The following LMTK3 variants were observed in gnomAD, a reference collection of about 807,000 sequenced individuals.
LMTK3 encodes serine/threonine-protein kinase LMTK3.
A neutral mutation model predicts 116.7 loss-of-function variants in LMTK3; 27 were observed. The observed-to-expected ratio is 0.23, with a 90% CI of 0.17 to 0.32. LMTK3 has a LOEUF of 0.32. Ranked by LOEUF, LMTK3 falls within the 10% of genes least tolerant of loss-of-function variation. The pLI is 1.00. For missense variants in LMTK3, 1,764 were observed against 2,068.5 expected, an observed-to-expected ratio of 0.85 and a Z score of 2.86; for synonymous variants, 965 against 971.0, an observed-to-expected ratio of 0.99 and a Z score of 0.11.
In LMTK3 at chr19:48,499,217, C is replaced by A; in HGVS notation, c.1852G>T (p.Gly618Trp). 2 of 1,391,638 alleles carry A rather than the reference C, an allele frequency of 1.4e-6. No homozygotes were observed. The highest frequency in any genetic ancestry group is 2.8e-5 in the Admixed American group (1 of 35,106). 86.2% of individuals were successfully genotyped at this position (1,391,638 alleles called of 1,614,324 possible). A position where few individuals can be genotyped will look rare whatever the true frequency, so the allele number is the denominator to read the frequency against. The change falls in exon 11 of 15, where the codon GGG (glycine) becomes TGG (tryptophan). Residue 618 changes from glycine to tryptophan, a missense_variant. By Grantham distance (184) the Gly-to-Trp change is radical. Transcript: ENST00000600059. ...SGWDPEGRGA[G>W]ETLAGDPAEV... Reference sequence around the variant, plus strand: ...GCAGGGTCTCCCGCCAGGGTCTCCCCGGCGCCCCGGCCCTCGGGGTCCCAG... The same window carrying A: ...GCAGGGTCTCCCGCCAGGGTCTCCCAGGCGCCCCGGCCCTCGGGGTCCCAG...
At chr19:48,489,555 G>A (rs895031945) in intron 14 of LMTK3, among the ~76,000 whole-genome samples, 1 of 152,114 alleles carries the variant, frequency 6.6e-6, no homozygotes, top group East Asian at 1.9e-4. Flanking sequence ...CTTGGGCGAC[G>A]AGCAAAACTC....
chr19:48,488,572 C>A (rs1355418475), intron 14 of LMTK3, among the ~76,000 whole-genome samples: 1 of 152,086 alleles, frequency 6.6e-6, no homozygotes, highest in Non-Finnish European at 1.5e-5. Flanking sequence ...TCCATGCACT[C>A]TAAGTAACCC....
chr19:48,509,722 C>T (rs773088769), intron 3 of LMTK3, among the ~76,000 whole-genome samples: 2 of 152,162 alleles, frequency 1.3e-5, no homozygotes, highest in Non-Finnish European at 2.9e-5. Context: ...GCATCCCAAG[C>T]TCCTATGATG....
intron 5 of LMTK3, among the ~76,000 whole-genome samples, chr19:48,506,592 C>T (rs1360982540): frequency 5.9e-5 from 9 of 152,204 alleles, no homozygotes; most frequent in Admixed American, 2.6e-4. Context: ...TGTGTAACCG[C>T]GGCTCTGCTG....
rs901837995 is a variant in LMTK3 at position 48,510,656 on chromosome 19, C to A, written c.77-64G>T. The A allele has an allele frequency of 4.1e-6, 6 of 1,472,194 alleles. No individual in the cohort carries two copies. In the South Asian group the frequency reaches 4.2e-5, roughly 10 times the overall value. The allele number at this position is 1,472,194 out of a possible 1,614,324, so 91.2% of individuals were successfully genotyped here. A position where few individuals can be genotyped will look rare whatever the true frequency, so the allele number is the denominator to read the frequency against. On this transcript the variant is annotated intron_variant, in intron 1 of 14. Transcript: ENST00000600059. ...TCCCTGGATACCGGAATCATGCCCC[C>A]TCCCGTCCCGGCACGTCTTGGACTA... is the stretch of plus-strand genomic sequence containing the variant.
intron 5 of LMTK3, among the ~76,000 whole-genome samples, chr19:48,504,572 CAG>C (rs1436831812): frequency 4.6e-5 from 7 of 151,954 alleles, no homozygotes; most frequent in Middle Eastern, 3.2e-3. Flanking sequence ...TTTTTTAAGA[CAG>C]AGTCTTGCTC....
intron 11 of LMTK3, among the ~76,000 whole-genome samples, chr19:48,496,441 GGC>G (rs1179169857): frequency 1.3e-5 from 2 of 152,096 alleles, no homozygotes; most frequent in Non-Finnish European, 2.9e-5. Context: ...TGGGATTATA[GGC>G]GCCTACCATA....
At chr19:48,505,103 CTT>C (rs33927563) in intron 5 of LMTK3, among the ~76,000 whole-genome samples, 128 of 55,556 alleles carry the variant, frequency 2.3e-3, no homozygotes, top group Non-Finnish European at 2.6e-3. Context: ...CTCTCTCTCT[CTT>C]TTTTTTTTTT....
intron 5 of LMTK3, among the ~76,000 whole-genome samples, chr19:48,506,098 C>T (rs1040091545): frequency 3.4e-5 from 5 of 148,704 alleles, no homozygotes; most frequent in Non-Finnish European, 5.9e-5. Flanking sequence ...GTTGAGATTG[C>T]GCCACTGCAC....
rs1276951087 is a variant in LMTK3 at position 48,511,525 on chromosome 19, A to C, written c.52T>G (p.Cys18Gly). The change falls in exon 1 of 15, where the codon TGC (cysteine) becomes GGC (glycine). Residue 18 changes from cysteine (C) to glycine (G), a missense_variant. Physicochemically the swap from Cys to Gly is radical, Grantham distance 159 (BLOSUM62 -3). Around this residue, in one of 7 missense-constraint regions of LMTK3, gnomAD observed 66 missense variants for 61.1 expected, o/e 1.08. Coordinates refer to ENST00000600059, the MANE Select transcript of LMTK3 (RefSeq NM_001388485.1). ...CCGGGGTGGGCCGGGGACGCCAGGC[A>C]GCCGGAGGCGGAGACGGCCGCAAGG... ...ILLAAVSASG[C>G]LASPAHPDGF... is the part of the protein sequence containing the mutation. 1.4e-6 allele frequency: 2 copies of C among 1,412,628 alleles called. No homozygotes were observed. The highest frequency in any genetic ancestry group is 5.0e-5 in the Admixed American group (2 of 39,676). The allele number at this position is 1,412,628 out of a possible 1,614,324, so 87.5% of individuals were successfully genotyped here. A position where few individuals can be genotyped will look rare whatever the true frequency, so the allele number is the denominator to read the frequency against.
chr19:48,509,901 C>T (rs1191535016), intron 3 of LMTK3, 122 bp downstream of exon 3: 2 of 1,101,560 alleles, frequency 1.8e-6, no homozygotes, highest in Non-Finnish European at 2.6e-6. Flanking sequence ...AGCGCTCCCA[C>T]CTATGCCTTT....
Position 48,499,619 on chromosome 19 carries a change from C to A in LMTK3, c.1450G>T (p.Ala484Ser), listed in dbSNP as rs2147546879. ...CCACCCCGGCCGGCCCCACGCCGGG[C>A]CTTCTCCCACAGGCACTCGAGGTTG... ...GLNLECLWEK[A>S]RRGAGRGGGA... Residue 484 changes from alanine to serine, a missense_variant, in exon 11 of 15, where the codon GCC becomes TCC. By Grantham distance (99) the Ala-to-Ser change is moderately conservative. Coordinates refer to ENST00000600059, the MANE Select transcript of LMTK3 (RefSeq NM_001388485.1). 6.5e-7 allele frequency: 1 copy of A among 1,543,088 alleles called. No individual in the cohort carries two copies. Among genetic ancestry groups the A allele is most frequent in the Admixed American group, 2.0e-5 (1 of 49,442 alleles).
In LMTK3 at chr19:48,508,907, T is replaced by C. The variant is rs768813404; in HGVS notation, c.501A>G (p.Arg167=). 1.9e-6 allele frequency: 3 copies of C among 1,613,388 alleles called. No individual in the cohort carries two copies. In the African/African-American group the frequency reaches 4.0e-5, roughly 22 times the overall value. ...TPAQVVVKEL[R]ASAGPLEQRK... is the part of the protein sequence containing the mutation. ...GTTGCTCCAGGGGCCCCGCGCTGGCTCGGAGCTCCTTCACCACCACCTGGG... is the reference window on the plus strand; with the variant it reads ...GTTGCTCCAGGGGCCCCGCGCTGGCCCGGAGCTCCTTCACCACCACCTGGG... Residue 167 remains arginine (R), a synonymous_variant, in exon 5 of 15, where the codon CGA becomes CGG. Coordinates refer to ENST00000600059, the MANE Select transcript of LMTK3 (RefSeq NM_001388485.1).
Position 48,494,538 on chromosome 19 carries a change from C to T in LMTK3, c.3677-429G>A, listed in dbSNP as rs1569101203. Among the ~76,000 whole-genome samples the T allele has an allele frequency of 6.6e-6, 1 of 152,178 alleles. No homozygotes were observed. The highest frequency in any genetic ancestry group is 1.9e-4 in the East Asian group (1 of 5,196). On this transcript the variant is annotated intron_variant, in intron 11 of 14. Coordinates refer to ENST00000600059, the MANE Select transcript of LMTK3 (RefSeq NM_001388485.1). This position sits in a 1 kb window ranked among gnomAD's most constrained non-coding sequence, Gnocchi z 4.0. The stretch of plus-strand genomic sequence containing the variant: ...TAGAGACGGGGTTTCACCATGCTGG[C>T]CAGGCTGGTCTTGAACTCCTGACCT...
At position 48,485,429 on chromosome 19, in the gene LMTK3, A is replaced by C. The variant is rs1241805322; in HGVS notation, c.*344T>G. On this transcript the variant is annotated 3_prime_UTR_variant, in exon 15 of 15. Transcript: ENST00000600059. ...AAGCCTGCGGCCCCTGTCTTGGGCCAGGAGTGGGTGAGGAGGGACCTCCGC... is the reference window on the plus strand; with the variant it reads ...AAGCCTGCGGCCCCTGTCTTGGGCCCGGAGTGGGTGAGGAGGGACCTCCGC... 2 of 247,966 alleles carry C rather than the reference A, an allele frequency of 8.1e-6. No homozygotes were observed. The highest frequency in any genetic ancestry group is 1.0e-4 in the Admixed American group (2 of 19,490). 15.4% of individuals were successfully genotyped at this position (247,966 alleles called of 1,614,324 possible). A position where few individuals can be genotyped will look rare whatever the true frequency, so the allele number is the denominator to read the frequency against.
intron 14 of LMTK3, among the ~76,000 whole-genome samples, chr19:48,489,447 C>T (rs1972182568): frequency 6.6e-6 from 1 of 152,034 alleles, no homozygotes; most frequent in Admixed American, 6.6e-5. Context: ...GTGGTGGGTG[C>T]CTGTAATTCC....
At position 48,500,718 on chromosome 19, in the gene LMTK3, G is replaced by A. The variant is rs1297270838; in HGVS notation, c.1151+278C>T. ...CAGATGGGAACGGCTGGTGAGGGTA[G>A]TGGTGTCCCTGTTTGCGCTGTGAGC... On this transcript the variant is annotated intron_variant, in intron 10 of 14. Transcript: ENST00000600059. The surrounding 1 kb of genome is among the most constrained non-coding windows in gnomAD (Gnocchi z 4.0). 2.6e-5 allele frequency among the ~76,000 whole-genome samples: 4 copies of A among 152,208 alleles called. No homozygotes were observed. The highest frequency in any genetic ancestry group is 5.9e-5 in the Non-Finnish European group (4 of 68,042).
Position 48,494,010 on chromosome 19 carries a change from C to G in LMTK3, c.3776G>C (p.Gly1259Ala), listed in dbSNP as rs1409366339. The change falls in exon 12 of 15, where the codon GGG becomes GCG. Residue 1259 changes from glycine to alanine, a missense_variant. Physicochemically the swap from Gly to Ala is moderately conservative, Grantham distance 60. Coordinates refer to ENST00000600059, the MANE Select transcript of LMTK3 (RefSeq NM_001388485.1). This position sits in a 1 kb window ranked among gnomAD's most constrained non-coding sequence, Gnocchi z 4.0. ...RRPPWEGADA[G>A]AAGGEAGGAG... Reference sequence around the variant, plus strand: ...CCCGCCGGCCTCCCCGCCAGCCGCCCCGGCGTCCGCGCCCTCCCACGGGGG... The same window carrying G: ...CCCGCCGGCCTCCCCGCCAGCCGCCGCGGCGTCCGCGCCCTCCCACGGGGG... The G allele has an allele frequency of 9.0e-7, 1 of 1,115,002 alleles. No homozygotes were observed. Among genetic ancestry groups the G allele is most frequent in the South Asian group, 4.3e-5 (1 of 23,392 alleles). 69.1% of individuals were successfully genotyped at this position (1,115,002 alleles called of 1,614,324 possible). A position where few individuals can be genotyped will look rare whatever the true frequency, so the allele number is the denominator to read the frequency against.
rs1297952375 is a variant in LMTK3 at position 48,510,468 on chromosome 19, G to T, written c.201C>A (p.Val67=). ...LTCLCCKRGD[V]GFKEFENPEG... is the part of the protein sequence containing the mutation. The stretch of plus-strand genomic sequence containing the variant: ...CCCTCATGCACCTCACCTTGAAGCC[G>T]ACATCGCCCCGTTTGCAGCACAGAC... Residue 67 remains valine, a synonymous_variant, in exon 2 of 15, where the codon GTC becomes GTA. Transcript: ENST00000600059. The T allele has an allele frequency of 1.3e-6, 2 of 1,595,976 alleles. No homozygotes were observed. The highest frequency in any genetic ancestry group is 1.1e-5 in the South Asian group (1 of 87,746).
Sources: allele counts gnomAD v4.1 joint callset (sites outside exome capture counted in the v4.1 genomes callset), GRCh38; gene constraint gnomAD v4.1.1; regional missense constraint gnomAD v4.1.1; non-coding constraint Gnocchi (gnomAD v3.1); transcripts MANE v1.5; gene names NCBI Gene and HGNC (gene_info 2026-07-23, HGNC 2026-07-21).